The following CUBN variants were observed in gnomAD, a reference collection of about 807,000 sequenced individuals.
CUBN encodes cubilin.
A neutral mutation model predicts 405.3 loss-of-function variants in CUBN; 282 were observed. The ratio of observed to expected loss-of-function variants is 0.70; its 90% CI spans 0.63 to 0.77. CUBN has a LOEUF of 0.77. CUBN is among the 30% of genes least tolerant of loss of function. The probability of loss-of-function intolerance (pLI) is 0.00; values close to 1 mark genes in which losing one functional copy is unlikely to be tolerated. For synonymous variants in CUBN, 1,684 were observed against 1,617.0 expected (o/e 1.04, Z -0.99); for missense variants, 4,514 against 4,475.2 (o/e 1.01, Z -0.25).
intron 59 of CUBN, among the ~76,000 whole-genome samples, chr10:16,858,330 C>T (rs974836823): frequency 2.0e-5 from 3 of 151,998 alleles, no homozygotes; most frequent in East Asian, 1.9e-4. Flanking sequence ...TATTTATTTA[C>T]GTTTTTTTAG....
Position 17,104,550 on chromosome 10 carries a change from C to T in CUBN, c.1286G>A (p.Cys429Tyr). 1 of 1,613,794 alleles carries T rather than the reference C, an allele frequency of 6.2e-7. No homozygotes were observed. Among genetic ancestry groups the T allele is most frequent in the Non-Finnish European group, 8.5e-7 (1 of 1,179,968 alleles). The change falls in exon 12 of 67, where the codon TGT (cysteine) becomes TAT (tyrosine). Residue 429 changes from cysteine to tyrosine, a missense_variant. Transcript: ENST00000377833. ...CAAACACTCATTGATGTTTTCTGTACAGTTGACACCTGTCCAACCTGAGTC... is the reference window on the plus strand; with the variant it reads ...CAAACACTCATTGATGTTTTCTGTATAGTTGACACCTGTCCAACCTGAGTC... ...KCDSGWTGVN[C>Y]TENINECLSN...
chr10:16,990,953 C>T lies in CUBN; in HGVS notation c.4169-438G>A, dbSNP rs555570525. 2.0e-5 allele frequency among the ~76,000 whole-genome samples: 3 copies of T among 152,178 alleles called. No individual in the cohort carries two copies. The South Asian group carries it at 6.2e-4, about 32-fold the overall frequency. On this transcript the variant is annotated intron_variant, in intron 28 of 66. Transcript: ENST00000377833. ...TAGCTAATACATTATTCTGCAGTCC[C>T]GTGCAGATCTAAGAACTAGAATTTT...
At chr10:17,120,064 C>T (rs1055903966) in intron 6 of CUBN, among the ~76,000 whole-genome samples, 1 of 152,236 alleles carries the variant, frequency 6.6e-6, no homozygotes, top group African/African-American at 2.4e-5. Context: ...GCCATGACTA[C>T]ATTTTTGCAG....
intron 56 of CUBN, among the ~76,000 whole-genome samples, chr10:16,877,977 T>C (rs932830162): frequency 3.3e-5 from 5 of 152,214 alleles, no homozygotes; most frequent in Non-Finnish European, 7.3e-5. Flanking sequence ...TTGTATGTGA[T>C]TAAATATTCT....
intron 60 of CUBN, among the ~76,000 whole-genome samples, chr10:16,841,545 C>T (rs1839348847): frequency 2.6e-5 from 4 of 152,174 alleles, no homozygotes; most frequent in Admixed American, 2.6e-4. Context: ...CAGCCAAAGG[C>T]ATCACAATGG....
At chr10:16,850,943 C>T (rs929305076) in intron 60 of CUBN, among the ~76,000 whole-genome samples, 4 of 152,176 alleles carry the variant, frequency 2.6e-5, no homozygotes, top group Admixed American at 6.5e-5. Context: ...TCCAGAAAAC[C>T]GACCTTCCTA....
At chr10:17,000,501 C>G (rs1401266713) in intron 28 of CUBN, among the ~76,000 whole-genome samples, 1 of 152,214 alleles carries the variant, frequency 6.6e-6, no homozygotes, top group Admixed American at 6.5e-5. Flanking sequence ...AGTGGGAAGC[C>G]TTTGAAACTG....
rs538980842 is a variant in CUBN, at chr10:17,059,884, T to A, written c.3139+5624A>T. ...TCATATTTTATATCTGGCAAAGTCA[T>A]GGTCCTTTACAACTCTAATGTAATT... On this transcript the variant is annotated intron_variant, in intron 22 of 66. Transcript: ENST00000377833. Among the ~76,000 whole-genome samples, 8 of 152,358 alleles carry A rather than the reference T, an allele frequency of 5.3e-5. No homozygotes were observed. The South Asian group carries it at 1.7e-3, about 32-fold the overall frequency.
chr10:17,113,289 A>C (rs1440368655), intron 8 of CUBN, among the ~76,000 whole-genome samples: 1 of 152,138 alleles, frequency 6.6e-6, no homozygotes, highest in Non-Finnish European at 1.5e-5. Flanking sequence ...AAAACAAAAC[A>C]AAACCAGCTA....
intron 28 of CUBN, among the ~76,000 whole-genome samples, chr10:17,019,368 C>A (rs1157265389): frequency 6.6e-6 from 1 of 152,092 alleles, no homozygotes; most frequent in Admixed American, 6.6e-5. Flanking sequence ...TCCTCTCAGG[C>A]CAACCCTACC....
chr10:17,079,495 T>C (rs530239206), intron 17 of CUBN, among the ~76,000 whole-genome samples: 2 of 152,052 alleles, frequency 1.3e-5, no homozygotes, highest in Admixed American at 1.3e-4. Flanking sequence ...CACCTCAGCC[T>C]CCCAAAGTGC....
At chr10:16,847,460 C>CAA (rs1380916221) in intron 60 of CUBN, among the ~76,000 whole-genome samples, 10 of 150,506 alleles carry the variant, frequency 6.6e-5, no homozygotes, top group Non-Finnish European at 1.5e-4. Context: ...CCAGCCTGGG[C>CAA]AAAACAGCAA....
At chr10:16,829,340 T>TG (rs1838898641) in intron 65 of CUBN, among the ~76,000 whole-genome samples, 1 of 56,822 alleles carries the variant, frequency 1.8e-5, no homozygotes, top group Non-Finnish European at 3.0e-5. Context: ...GAGAGCAGAA[T>TG]GGAAAAAAAA....
chr10:16,927,131 A>T (rs1397600600), intron 41 of CUBN, among the ~76,000 whole-genome samples: 1 of 152,002 alleles, frequency 6.6e-6, no homozygotes, highest in Non-Finnish European at 1.5e-5. Flanking sequence ...AAACACACAT[A>T]TTAATTCCAA....
chr10:16,928,203 C>T lies in CUBN; in HGVS notation c.6225G>A (p.Ser2075=), dbSNP rs75737363. Residue 2075 remains serine (S), a synonymous_variant, in exon 41 of 67, where the codon TCG becomes TCA. Transcript: ENST00000377833. ...TGEYMFIRFT[S]DSSVTRAGFN... ...AGCCTGCCCTGGTTACACTGGAGTC[C>T]GAGGTGAAGCGGATGAACATGTACT... 3.3e-4 allele frequency: 531 copies of T among 1,613,858 alleles called. No individual in the cohort carries two copies. The African/African-American group carries it at 6.2e-3, about 19-fold the overall frequency.
intron 27 of CUBN, among the ~76,000 whole-genome samples, chr10:17,027,958 T>C (rs1834707132): frequency 6.6e-6 from 1 of 152,148 alleles, no homozygotes; most frequent in South Asian, 2.1e-4. Context: ...ACACACCATG[T>C]ACCCCATAAT....
At chr10:17,022,955 G>C (rs548379255) in intron 27 of CUBN, among the ~76,000 whole-genome samples, 1 of 152,224 alleles carries the variant, frequency 6.6e-6, no homozygotes, top group African/African-American at 2.4e-5. Flanking sequence ...CCCTAAGCTC[G>C]ATGTGTCTTA....
Position 16,942,234 on chromosome 10 carries a change from A to G in CUBN, c.5343-1997T>C, listed in dbSNP as rs868088209. On this transcript the variant is annotated intron_variant, in intron 36 of 66. Transcript: ENST00000377833. ...CGTGGGACTGCATACTGACATAGCC[A>G]CTTTGAATAATTATTTGGGAGTTTC... is the stretch of plus-strand genomic sequence containing the variant. Among the ~76,000 whole-genome samples the G allele has an allele frequency of 1.8e-4, 28 of 152,320 alleles. No individual in the cohort carries two copies. The Middle Eastern group carries it at 0.014, about 75-fold the overall frequency.
In CUBN at chr10:16,982,607, TG is replaced by T; in HGVS notation, c.4571del (p.Pro1524GlnfsTer27). Reference protein sequence around the residue: ...FQAPSGEIHSPNYPSPYRSNT... With the variant: ...FQAPSGEIHSXNYPSPYRSNT... ...TGCTCCTATAAGGACTGGGGTAATTTGGAGAATGAATCTCTCCACTGGGAGC... is the reference window on the plus strand; with the variant it reads ...TGCTCCTATAAGGACTGGGGTAATTTGAGAATGAATCTCTCCACTGGGAGC... On this transcript the variant is annotated frameshift_variant, in exon 31 of 67. Coordinates refer to ENST00000377833, the MANE Select transcript of CUBN (RefSeq NM_001081.4). LOFTEE classifies it high-confidence loss of function. 1 of 1,613,686 alleles carries T rather than the reference TG, an allele frequency of 6.2e-7. No individual in the cohort carries two copies. Among genetic ancestry groups the T allele is most frequent in the Non-Finnish European group, 8.5e-7 (1 of 1,179,612 alleles).
Sources: gnomAD v4.1 joint callset for allele counts (sites outside exome capture counted in the v4.1 genomes callset) on GRCh38, gnomAD v4.1.1 for gene constraint, MANE v1.5 for transcripts, NCBI Gene and HGNC (gene_info 2026-07-23, HGNC 2026-07-21) for gene names.